The following BTRC variants were observed in gnomAD, a reference collection of about 807,000 sequenced individuals.
BTRC encodes the protein beta-transducin repeat containing E3 ubiquitin protein ligase, also known as F-box/WD repeat-containing protein 1A.
A neutral mutation model predicts 85.5 loss-of-function variants in BTRC; 42 were observed. The ratio of observed to expected loss-of-function variants is 0.49; its 90% CI spans 0.38 to 0.64. The LOEUF (loss-of-function observed/expected upper bound fraction) is 0.64. Ranked by LOEUF, BTRC falls within the 30% of genes least tolerant of loss-of-function variation. The pLI is 0.00. For synonymous variants in BTRC, 255 were observed against 263.3 expected (o/e 0.97, Z 0.30); for missense variants, 594 against 743.5 (o/e 0.80, Z 2.34).
chr10:101,534,588 G>A, intron 9 of BTRC, 73 bp from the exon 10 acceptor site: 2 of 1,573,356 alleles, frequency 1.3e-6, no homozygotes, highest in African/African-American at 2.7e-5. Context: ...AGGGGTGGAA[G>A]GGCGCATGAT....
intron 1 of BTRC, among the ~76,000 whole-genome samples, chr10:101,370,354 TC>T (rs1365167314): frequency 6.6e-6 from 1 of 152,058 alleles, no homozygotes; most frequent in Non-Finnish European, 1.5e-5. Flanking sequence ...ACTCAAGTGA[TC>T]CTCTGGCCTC....
At chr10:101,479,810 T>C (rs938810645) in intron 4 of BTRC, among the ~76,000 whole-genome samples, 2 of 152,248 alleles carry the variant, frequency 1.3e-5, no homozygotes, top group African/African-American at 4.8e-5. Context: ...CATCACATCA[T>C]TGCAAGGACT....
chr10:101,445,045 A>G (rs1019123761), intron 2 of BTRC, among the ~76,000 whole-genome samples: 2 of 152,038 alleles, frequency 1.3e-5, no homozygotes, highest in Non-Finnish European at 2.9e-5. Flanking sequence ...TCTGGTAGAA[A>G]CTCGATATGT....
At chr10:101,374,065 A>G (rs1942718187) in intron 1 of BTRC, among the ~76,000 whole-genome samples, 1 of 152,178 alleles carries the variant, frequency 6.6e-6, no homozygotes. Flanking sequence ...AGTATCCATG[A>G]TAAGAGGTTA....
intron 4 of BTRC, among the ~76,000 whole-genome samples, chr10:101,503,966 A>C (rs1325030887): frequency 6.6e-6 from 1 of 152,106 alleles, no homozygotes; most frequent in Non-Finnish European, 1.5e-5. Context: ...TACACTTTTT[A>C]ACTGTTTTAC....
chr10:101,534,081 A>G (rs183101105), intron 9 of BTRC, among the ~76,000 whole-genome samples: 54 of 152,332 alleles, frequency 3.5e-4, no homozygotes, highest in African/African-American at 1.2e-3. Context: ...AAAATTCTCA[A>G]GCTATCCAAG....
intron 1 of BTRC, among the ~76,000 whole-genome samples, chr10:101,410,873 A>G (rs775888373): frequency 2.0e-5 from 3 of 151,952 alleles, no homozygotes; most frequent in Admixed American, 2.0e-4. Flanking sequence ...TATTATTGTC[A>G]TACGTTTTGT....
At chr10:101,544,282 AT>A (rs2062523158) in intron 13 of BTRC, among the ~76,000 whole-genome samples, 1 of 152,030 alleles carries the variant, frequency 6.6e-6, no homozygotes. Flanking sequence ...ATTGCCTCCC[AT>A]TCCTTTGTAT....
intron 4 of BTRC, among the ~76,000 whole-genome samples, chr10:101,487,583 C>A (rs774182656): frequency 6.6e-6 from 1 of 152,156 alleles, no homozygotes; most frequent in Non-Finnish European, 1.5e-5. Flanking sequence ...CAAATTAGAA[C>A]AATCAGTTTA....
At chr10:101,413,020 A>G (rs1232278147) in intron 1 of BTRC, among the ~76,000 whole-genome samples, 1 of 152,248 alleles carries the variant, frequency 6.6e-6, no homozygotes, top group Non-Finnish European at 1.5e-5. Flanking sequence ...GACCATAGGA[A>G]AATTGACACT....
At chr10:101,370,360 G>A (rs1287601062) in intron 1 of BTRC, among the ~76,000 whole-genome samples, 1 of 151,498 alleles carries the variant, frequency 6.6e-6, no homozygotes, top group African/African-American at 2.4e-5. Flanking sequence ...GTGATCCTCT[G>A]GCCTCGGCCT....
intron 7 of BTRC, among the ~76,000 whole-genome samples, chr10:101,531,909 A>T (rs2062287732): frequency 6.6e-6 from 1 of 152,210 alleles, no homozygotes; most frequent in Non-Finnish European, 1.5e-5. Context: ...TCATATTTAA[A>T]TATCTTCTGA....
At chr10:101,513,817 G>GT (rs2061988114) in intron 4 of BTRC, among the ~76,000 whole-genome samples, 1 of 152,166 alleles carries the variant, frequency 6.6e-6, no homozygotes. Context: ...GGGTTGTTTG[G>GT]TAAGTATATG....
intron 4 of BTRC, among the ~76,000 whole-genome samples, chr10:101,483,085 A>G (rs1382884273): frequency 6.6e-6 from 1 of 152,166 alleles, no homozygotes; most frequent in Non-Finnish European, 1.5e-5. Flanking sequence ...TTATTTCCCT[A>G]AAAGCAGCAA....
At chr10:101,521,928 C>T in intron 5 of BTRC, 58 bp downstream of exon 5, 3 of 1,311,286 alleles carry the variant, frequency 2.3e-6, no homozygotes, top group Non-Finnish European at 3.2e-6. Context: ...AGAACTAGAT[C>T]TCCAGCTATA....
chr10:101,502,678 C>T (rs1946425460), intron 4 of BTRC, among the ~76,000 whole-genome samples: 1 of 152,124 alleles, frequency 6.6e-6, no homozygotes, highest in African/African-American at 2.4e-5. Flanking sequence ...AATATGTTTA[C>T]ACCACAAGAC....
intron 13 of BTRC, 55 bp from the exon 14 acceptor site, chr10:101,550,644 T>G: frequency 6.5e-7 from 1 of 1,548,786 alleles, no homozygotes; most frequent in Non-Finnish European, 8.9e-7. Flanking sequence ...TGAATTTGTG[T>G]CCTATTGATT....
chr10:101,411,614 A>C (rs1943780725), intron 1 of BTRC, among the ~76,000 whole-genome samples: 1 of 151,958 alleles, frequency 6.6e-6, no homozygotes, highest in African/African-American at 2.4e-5. Flanking sequence ...TGTATTTTTC[A>C]TTCTGGAACT....
chr10:101,507,746 C>T (rs919989772), intron 4 of BTRC, among the ~76,000 whole-genome samples: 3 of 152,128 alleles, frequency 2.0e-5, no homozygotes, highest in African/African-American at 7.2e-5. Flanking sequence ...AAACCATTAA[C>T]GATAACAAGT....
Sources: allele counts gnomAD v4.1 joint callset (sites outside exome capture counted in the v4.1 genomes callset), GRCh38; gene constraint gnomAD v4.1.1; transcripts MANE v1.5; gene names NCBI Gene and HGNC (gene_info 2026-07-23, HGNC 2026-07-21).